CYRIB: variants seen among roughly 807,000 people sequenced by gnomAD.
The protein encoded by CYRIB is CYFIP related Rac1 interactor B.
CYRIB carries 8 observed loss-of-function variants against 44.2 expected under a neutral mutation model. The observed-to-expected ratio is 0.18, with a 90% CI of 0.11 to 0.33. The LOEUF (loss-of-function observed/expected upper bound fraction) is 0.33. Among genes scored for constraint, CYRIB ranks in the 10% least tolerant of loss-of-function variants. The pLI is 1.00. For synonymous variants in CYRIB, 131 were observed against 127.2 expected (o/e 1.03, Z -0.20); for missense variants, 185 against 382.8 (o/e 0.48, Z 4.31).
At chr8:130,003,108 A>C (rs1453899379) in intron 1 of CYRIB, among the ~76,000 whole-genome samples, 1 of 152,112 alleles carries the variant, frequency 6.6e-6, no homozygotes, top group Non-Finnish European at 1.5e-5. Flanking sequence ...TTGAAAACTG[A>C]GGTACTCGGG....
intron 2 of CYRIB, among the ~76,000 whole-genome samples, chr8:129,957,834 G>A (rs966434195): frequency 3.3e-5 from 5 of 152,008 alleles, no homozygotes; most frequent in Middle Eastern, 3.4e-3. Flanking sequence ...GGATAGTGGC[G>A]GGTGCCTATA....
rs150722928 is a variant in CYRIB at position 129,894,095 on chromosome 8, A to G, written c.-11+9217T>C. Among the ~76,000 whole-genome samples the G allele has an allele frequency of 4.6e-4, 70 of 152,288 alleles. No homozygotes were observed. The South Asian group carries it at 0.01, about 22-fold the overall frequency. On this transcript the variant is annotated intron_variant, in intron 2 of 11. Transcript: ENST00000519824. The stretch of plus-strand genomic sequence containing the variant: ...TCCTCTACTGATTGACAATGAGATT[A>G]TTTTCCACTTTTAAATATTAACAGT...
At chr8:130,002,754 G>A (rs972969018) in intron 1 of CYRIB, among the ~76,000 whole-genome samples, 6 of 152,186 alleles carry the variant, frequency 3.9e-5, no homozygotes, top group African/African-American at 7.2e-5. Context: ...GTTTAAGTAC[G>A]TGGTTACTGT....
At position 129,883,569 on chromosome 8, in the gene CYRIB, A is replaced by T. The variant is rs138284485; in HGVS notation, c.-10-4098T>A. 2.0e-5 allele frequency among the ~76,000 whole-genome samples: 3 copies of T among 152,308 alleles called. No homozygotes were observed. In the East Asian group the frequency reaches 5.8e-4, roughly 29 times the overall value. The stretch of plus-strand genomic sequence containing the variant: ...AGAATAAACAAAAAATTAAAACCAT[A>T]ACCCTATCTTGCTATATTTTAACCT... On this transcript the variant is annotated intron_variant, in intron 2 of 11. Coordinates refer to ENST00000519824, the Ensembl canonical transcript of CYRIB.
At chr8:129,922,585 C>T (rs1050675002) in intron 1 of CYRIB, among the ~76,000 whole-genome samples, 2 of 152,080 alleles carry the variant, frequency 1.3e-5, no homozygotes, top group Non-Finnish European at 2.9e-5. Flanking sequence ...TAATAAAGGC[C>T]GGGCGCGGTG....
intron 2 of CYRIB, among the ~76,000 whole-genome samples, chr8:129,961,699 G>A (rs941830596): frequency 3.5e-4 from 53 of 152,208 alleles, no homozygotes; most frequent in African/African-American, 1.3e-3. Flanking sequence ...CATGAGTGAA[G>A]ATGAATGAGT....
At chr8:129,988,303 G>C (rs576420952) in intron 1 of CYRIB, among the ~76,000 whole-genome samples, 1 of 152,202 alleles carries the variant, frequency 6.6e-6, no homozygotes, top group African/African-American at 2.4e-5. Context: ...CGCTGCTGAC[G>C]CAAGTAGCCT....
Position 129,923,081 on chromosome 8 carries a change from A to AG in CYRIB, c.-50+16526_-50+16527insC, listed in dbSNP as rs1433974315. 6.1e-5 allele frequency among the ~76,000 whole-genome samples: 9 copies of AG among 147,836 alleles called. No individual in the cohort carries two copies. The East Asian group carries it at 1.7e-3, about 27-fold the overall frequency. On this transcript the variant is annotated intron_variant, in intron 1 of 11. Transcript: ENST00000519824. ...CCGTCTCTACTAAAAAAAAAAAAAA[A>AG]AAGAATACAAAATTAGCCAGGCATG...
chr8:129,975,262 C>T lies in CYRIB; in HGVS notation c.-295-4267G>A, dbSNP rs1176093003. On this transcript the variant is annotated intron_variant, in intron 1 of 14. Coordinates refer to the CYRIB transcript ENST00000401979. ...AACTCGTAACCTCAAGCGATCCTCC[C>T]GCCTCGGCCTCCCAAAGTGCTGGGA... Among the ~76,000 whole-genome samples the T allele has an allele frequency of 3.9e-5, 6 of 152,216 alleles. No individual in the cohort carries two copies. The South Asian group carries it at 8.3e-4, about 21-fold the overall frequency.
chr8:130,005,031 T>G (rs1055271165), intron 1 of CYRIB, among the ~76,000 whole-genome samples: 1 of 152,164 alleles, frequency 6.6e-6, no homozygotes. Flanking sequence ...CCTCCCAAAG[T>G]GCTGGGATTA....
intron 4 of CYRIB, among the ~76,000 whole-genome samples, chr8:129,867,620 T>C (rs2054493603): frequency 6.6e-6 from 1 of 151,882 alleles, no homozygotes; most frequent in African/African-American, 2.4e-5. Flanking sequence ...TATATTAATA[T>C]ATAATTCAAC....
At chr8:129,934,074 T>G (rs1204372334) in intron 1 of CYRIB, among the ~76,000 whole-genome samples, 1 of 152,152 alleles carries the variant, frequency 6.6e-6, no homozygotes, top group Non-Finnish European at 1.5e-5. Context: ...TCTCATGATT[T>G]CACTGATTAG....
rs953401093 is a variant in CYRIB, at chr8:129,974,207, A to T, written c.-295-3212T>A. ...GAAAACTGACAGCTATGTTAGTCTAATTCCCTCATTTTATCAACAAAGAAC... is the reference window on the plus strand; with the variant it reads ...GAAAACTGACAGCTATGTTAGTCTATTTCCCTCATTTTATCAACAAAGAAC... On this transcript the variant is annotated intron_variant, in intron 1 of 14. Transcript: ENST00000401979. Among the ~76,000 whole-genome samples, 12 of 152,164 alleles carry T rather than the reference A, an allele frequency of 7.9e-5. 1 individual carries two copies. The highest frequency in any genetic ancestry group is 2.9e-4 in the African/African-American group (12 of 41,440).
chr8:129,980,827 C>CA (rs1169184740), intron 1 of CYRIB, among the ~76,000 whole-genome samples: 1 of 149,946 alleles, frequency 6.7e-6, no homozygotes, highest in Admixed American at 6.6e-5. Context: ...ACCAAAAATA[C>CA]AAAAAAATTA....
At chr8:129,924,004 C>T (rs1254925219) in intron 1 of CYRIB, among the ~76,000 whole-genome samples, 2 of 149,472 alleles carry the variant, frequency 1.3e-5, no homozygotes, top group African/African-American at 2.5e-5. Context: ...GCTGCAGTAG[C>T]TCATGCCTGT....
rs191193636 is a variant in CYRIB, at chr8:129,934,029, C to A, written c.-50+5579G>T. Among the ~76,000 whole-genome samples, 14 of 152,220 alleles carry A rather than the reference C, an allele frequency of 9.2e-5. No homozygotes were observed. In the East Asian group the frequency reaches 2.7e-3, roughly 29 times the overall value. Reference sequence around the variant, plus strand: ...TAAAAGTGTACTAGTACCTTTGGGGCCCCACAACCTTAAGGATCACTTTGA... The same window carrying A: ...TAAAAGTGTACTAGTACCTTTGGGGACCCACAACCTTAAGGATCACTTTGA... On this transcript the variant is annotated intron_variant, in intron 1 of 11. Transcript: ENST00000519824.
intron 1 of CYRIB, among the ~76,000 whole-genome samples, chr8:130,015,991 G>A (rs1251142237): frequency 6.6e-6 from 1 of 151,926 alleles, no homozygotes; most frequent in African/African-American, 2.4e-5. Context: ...CGGCTCGCAG[G>A]AAGGGTCTGC....
intron 2 of CYRIB, chr8:129,948,627 C>CG (rs1173775356): frequency 6.6e-6 from 1 of 152,152 alleles, no homozygotes; most frequent in Admixed American, 6.6e-5. Context: ...TCCAGAGGAA[C>CG]GGAAGGGAGA....
intron 2 of CYRIB, among the ~76,000 whole-genome samples, chr8:129,883,102 G>C (rs2061396844): frequency 1.1e-5 from 1 of 89,314 alleles, no homozygotes; most frequent in Non-Finnish European, 1.9e-5. Context: ...AACAGAGCTA[G>C]ACTCCCTCTC....
Sources: allele counts gnomAD v4.1 joint callset (sites outside exome capture counted in the v4.1 genomes callset), GRCh38; gene constraint gnomAD v4.1.1; transcripts MANE v1.5; gene names NCBI Gene and HGNC (gene_info 2026-07-23, HGNC 2026-07-21).